The following STK32B variants were observed in gnomAD, a reference collection of about 807,000 sequenced individuals.
STK32B encodes serine/threonine-protein kinase 32B.
A neutral mutation model predicts 52.6 loss-of-function variants in STK32B; 43 were observed. The observed-to-expected ratio is 0.82, with a 90% confidence interval of 0.64 to 1.05. The LOEUF (loss-of-function observed/expected upper bound fraction) is 1.05, where lower values mean the gene tolerates loss of function less well. STK32B is among the 50% of genes least tolerant of loss of function. STK32B has a pLI of 0.00. For missense variants in STK32B, 621 were observed against 534.6 expected, an observed-to-expected ratio of 1.16 and a Z score of -1.59; for synonymous variants, 238 against 204.3, an observed-to-expected ratio of 1.17 and a Z score of -1.41.
rs138404656 is a variant in STK32B, at chr4:5,360,065, A to G, written c.434+28672A>G. Among the ~76,000 whole-genome samples the G allele has an allele frequency of 2.0e-5, 3 of 152,262 alleles. No individual in the cohort carries two copies. In the East Asian group the frequency reaches 5.8e-4, roughly 29 times the overall value. On this transcript the variant is annotated intron_variant, in intron 4 of 11. Transcript: ENST00000282908. ...AGAGTGAAGCAGCCTTTCTACCTAC[A>G]GGTGATGAGAAGGCAAGGCTCTTGC...
At chr4:5,158,028 G>A (rs868556941) in intron 2 of STK32B, among the ~76,000 whole-genome samples, 3 of 152,126 alleles carry the variant, frequency 2.0e-5, no homozygotes, top group South Asian at 2.1e-4. Flanking sequence ...ATACTTTGGA[G>A]GAATGTGTCA....
intron 3 of STK32B, among the ~76,000 whole-genome samples, chr4:5,305,752 T>C (rs1729888178): frequency 6.6e-6 from 1 of 152,116 alleles, no homozygotes; most frequent in African/African-American, 2.4e-5. Flanking sequence ...AGGGTTGGGT[T>C]TGGTTTTTTC....
At chr4:5,445,786 A>G (rs73211199) in intron 6 of STK32B, among the ~76,000 whole-genome samples, 4,398 of 152,162 alleles carry the variant, frequency 0.029, 75 homozygotes, top group South Asian at 0.086. Flanking sequence ...AGCAACCCCA[A>G]AGGAAAACCG....
At chr4:5,408,094 C>T (rs2109059287) in intron 5 of STK32B, among the ~76,000 whole-genome samples, 1 of 152,264 alleles carries the variant, frequency 6.6e-6, no homozygotes, top group Non-Finnish European at 1.5e-5. Context: ...GTGAGAAACA[C>T]ATGTCTGTTG....
chr4:5,064,069 C>T (rs1577043733), intron 1 of STK32B, among the ~76,000 whole-genome samples: 1 of 151,774 alleles, frequency 6.6e-6, no homozygotes, highest in East Asian at 1.9e-4. Flanking sequence ...TTATGTGCTG[C>T]AAATATTTTA....
At chr4:5,124,752 A>G (rs1053921987) in intron 1 of STK32B, among the ~76,000 whole-genome samples, 2 of 152,178 alleles carry the variant, frequency 1.3e-5, no homozygotes, top group African/African-American at 4.8e-5. Flanking sequence ...GAGCATGCAT[A>G]TAGATGCACG....
Position 5,137,845 on chromosome 4 carries a change from A to G in STK32B, c.53-2060A>G, listed in dbSNP as rs73091513. Among the ~76,000 whole-genome samples, 1,306 of 152,314 alleles carry G rather than the reference A, an allele frequency of 8.6e-3. 23 individuals carry two copies. The highest frequency in any genetic ancestry group is 0.029 in the African/African-American group (1,212 of 41,574). On this transcript the variant is annotated intron_variant, in intron 1 of 11. Transcript: ENST00000282908. ...AGCTGCGTGTCAAAGGCCAATGAAA[A>G]GTTTTTCCCAAAATAAGGTGTGTTG... is the stretch of plus-strand genomic sequence containing the variant.
chr4:5,112,403 A>G (rs986821695), intron 1 of STK32B, among the ~76,000 whole-genome samples: 1 of 152,174 alleles, frequency 6.6e-6, no homozygotes. Flanking sequence ...AGTAGGTCCA[A>G]TCTGAAAGCC....
At chr4:5,113,448 C>T (rs963230638) in intron 1 of STK32B, among the ~76,000 whole-genome samples, 2 of 152,150 alleles carry the variant, frequency 1.3e-5, no homozygotes, top group Non-Finnish European at 2.9e-5. Flanking sequence ...CACAAAGCTT[C>T]TTGCTGATCT....
rs1434992006 is a variant in STK32B, at chr4:5,469,869, C to T, written c.1106+1799C>T. ...CCCAATTTGCCTGTGGTCCTGCCTGCTCTGAGGCTCATGGCCCTTCCCCCA... is the reference window on the plus strand; with the variant it reads ...CCCAATTTGCCTGTGGTCCTGCCTGTTCTGAGGCTCATGGCCCTTCCCCCA... On this transcript the variant is annotated intron_variant, in intron 11 of 11. Coordinates refer to ENST00000282908, the MANE Select transcript of STK32B (RefSeq NM_018401.3). This position sits in a 1 kb window ranked among gnomAD's most constrained non-coding sequence, Gnocchi z 4.7. 6.6e-6 allele frequency among the ~76,000 whole-genome samples: 1 copy of T among 152,194 alleles called. No homozygotes were observed. Among genetic ancestry groups the T allele is most frequent in the Non-Finnish European group, 1.5e-5 (1 of 68,034 alleles).
intron 1 of STK32B, among the ~76,000 whole-genome samples, chr4:5,091,241 A>G (rs1713064104): frequency 6.6e-6 from 1 of 152,164 alleles, no homozygotes; most frequent in Non-Finnish European, 1.5e-5. Context: ...GATTTCATCA[A>G]AATTAAATAT....
chr4:5,370,436 G>C (rs1735153801), intron 4 of STK32B, among the ~76,000 whole-genome samples: 1 of 152,198 alleles, frequency 6.6e-6, no homozygotes, highest in Non-Finnish European at 1.5e-5. Context: ...TGGTTGTGAA[G>C]AGAGTGAGTC....
intron 11 of STK32B, among the ~76,000 whole-genome samples, chr4:5,493,722 A>T (rs1719947757): frequency 1.3e-5 from 2 of 152,324 alleles, no homozygotes; most frequent in South Asian, 4.1e-4. Context: ...ATTTAGTGCT[A>T]TAAATTTCCC....
chr4:5,231,698 G>C (rs778044902), intron 3 of STK32B, among the ~76,000 whole-genome samples: 2 of 152,080 alleles, frequency 1.3e-5, no homozygotes, highest in Non-Finnish European at 2.9e-5. Flanking sequence ...GGAATGGTTG[G>C]GGTTGGAAAA....
intron 5 of STK32B, among the ~76,000 whole-genome samples, chr4:5,406,697 T>C (rs143753207): frequency 1.0e-3 from 155 of 152,232 alleles, no homozygotes; most frequent in Admixed American, 2.5e-3. Flanking sequence ...CTTTTAACTA[T>C]GGCTGGAGCT....
intron 4 of STK32B, among the ~76,000 whole-genome samples, chr4:5,344,758 C>A (rs1253535663): frequency 2.0e-5 from 3 of 151,484 alleles, no homozygotes; most frequent in Admixed American, 2.0e-4. Context: ...CTAGCCAACA[C>A]CTTTCTTTAG....
chr4:5,067,158 A>G (rs1482939229), intron 1 of STK32B, among the ~76,000 whole-genome samples: 1 of 152,212 alleles, frequency 6.6e-6, no homozygotes, highest in Non-Finnish European at 1.5e-5. Context: ...GGCAAAGAGG[A>G]AATGAGAACC....
intron 1 of STK32B, among the ~76,000 whole-genome samples, chr4:5,105,529 C>T (rs1177221494): frequency 6.6e-6 from 1 of 151,276 alleles, no homozygotes; most frequent in Admixed American, 6.6e-5. Context: ...GAAATATCTG[C>T]TCCTATTCTA....
chr4:5,163,837 C>T (rs1718648601), intron 2 of STK32B, among the ~76,000 whole-genome samples: 1 of 152,168 alleles, frequency 6.6e-6, no homozygotes, highest in Non-Finnish European at 1.5e-5. Flanking sequence ...ACTGTATTTA[C>T]AGGGACCCAT....
Sources: gnomAD v4.1 joint callset for allele counts (sites outside exome capture counted in the v4.1 genomes callset) on GRCh38, gnomAD v4.1.1 for gene constraint, Gnocchi (gnomAD v3.1) non-coding constraint, MANE v1.5 for transcripts, NCBI Gene and HGNC (gene_info 2026-07-23, HGNC 2026-07-21) for gene names.